IARS1: variants seen among roughly 807,000 people sequenced by gnomAD.
IARS1 encodes isoleucyl-tRNA synthetase 1.
A neutral mutation model predicts 168.2 loss-of-function variants in IARS1; 124 were observed. The observed-to-expected ratio is 0.74, with a 90% CI of 0.64 to 0.86. The LOEUF (loss-of-function observed/expected upper bound fraction) is 0.86. Among genes scored for constraint, IARS1 ranks in the 40% least tolerant of loss-of-function variants. IARS1 has a pLI of 0.00. For missense variants in IARS1, 1,452 were observed against 1,515.8 expected, an observed-to-expected ratio of 0.96 and a Z score of 0.70; for synonymous variants, 532 against 529.4, an observed-to-expected ratio of 1.00 and a Z score of -0.07.
intron 4 of IARS1, 154 bp downstream of exon 4, chr9:92,287,637 G>C: frequency 1.3e-6 from 1 of 744,714 alleles, no homozygotes; most frequent in Non-Finnish European, 2.0e-6. Flanking sequence ...TTCAGTTTAA[G>C]CTAACCGTTT....
intron 19 of IARS1, 64 bp downstream of exon 19, chr9:92,258,790 A>G (rs1490164023): frequency 6.7e-7 from 1 of 1,486,812 alleles, no homozygotes; most frequent in African/African-American, 1.4e-5. Context: ...TCCACCTCAC[A>G]GCTTGGTGAA....
At chr9:92,258,745 G>T in intron 19 of IARS1, 109 bp downstream of exon 19, 1 of 1,134,616 alleles carries the variant, frequency 8.8e-7, no homozygotes, top group Non-Finnish European at 1.2e-6. Flanking sequence ...GCATCAGGCA[G>T]CAGAGAACAG....
At chr9:92,271,191 T>C (rs1439675817) in intron 11 of IARS1, 115 bp from the exon 12 acceptor site, 6 of 622,334 alleles carry the variant, frequency 9.6e-6, no homozygotes. Context: ...CAAATATTAT[T>C]TATTATTTTT....
chr9:92,224,125 C>T (rs541428541), intron 31 of IARS1, among the ~76,000 whole-genome samples: 1 of 152,336 alleles, frequency 6.6e-6, no homozygotes, highest in South Asian at 2.1e-4. Context: ...CCCACATGGT[C>T]TCTTCTCTCA....
intron 6 of IARS1, among the ~76,000 whole-genome samples, chr9:92,284,999 T>C (rs1835212433): frequency 6.6e-6 from 1 of 152,184 alleles, no homozygotes; most frequent in African/African-American, 2.4e-5. Context: ...TGTGAAAGCA[T>C]TCTATAAATA....
At chr9:92,234,868 G>A (rs9409464) in intron 30 of IARS1, among the ~76,000 whole-genome samples, 6 of 151,034 alleles carry the variant, frequency 4.0e-5, no homozygotes, top group Non-Finnish European at 8.9e-5. Context: ...TTTTGAGATG[G>A]AGTTCGTTCT....
chr9:92,227,441 C>T lies in IARS1; in HGVS notation c.3409+1560G>A, dbSNP rs1405436760. Among the ~76,000 whole-genome samples the T allele has an allele frequency of 2.6e-3, 382 of 146,424 alleles. 4 individuals are homozygous for T. Among genetic ancestry groups the T allele is most frequent in the African/African-American group, 9.0e-3 (352 of 39,142 alleles). On this transcript the variant is annotated intron_variant, in intron 31 of 33. Transcript: ENST00000443024. ...CGGCTGGCCGGGCGGGGGGCTGACC[C>T]CCCCACCTCCCTCCCGGACGGGGCG...
rs113987313 is a variant in IARS1 at position 92,231,591 on chromosome 9, G to GT, written c.3284-2466dup. ...ACCATGCCCAGCTAATTTTGTATTT[G>GT]TTTTTTTTTTTTTTTTAGTAGAGAT... is the stretch of plus-strand genomic sequence containing the variant. On this transcript the variant is annotated intron_variant, in intron 30 of 33. Transcript: ENST00000443024. Among the ~76,000 whole-genome samples, 572 of 125,004 alleles carry GT rather than the reference G, an allele frequency of 4.6e-3. 1 individual carries two copies. Among genetic ancestry groups the GT allele is most frequent in the Middle Eastern group, 0.016 (4 of 246 alleles). The allele number at this position is 125,004 out of a possible 152,430, so 82.0% of individuals were successfully genotyped here.
At position 92,269,953 on chromosome 9, in the gene IARS1, C is replaced by T. The variant is rs1403974126; in HGVS notation, c.1236G>A (p.Val412=). ...RSDTPLIYKA[V]PSWFVRVENM... ...TCTCCACTCGCACAAACCAGCTGGG[C>T]ACTGCTTTGTAAATTAGAGGAGTGT... The change falls in exon 13 of 34, where the codon GTG becomes GTA. Residue 412 remains valine, a synonymous_variant. Coordinates refer to ENST00000443024, the MANE Select transcript of IARS1 (RefSeq NM_002161.6). The T allele has an allele frequency of 4.3e-6, 7 of 1,613,444 alleles. No individual in the cohort carries two copies. The highest frequency in any genetic ancestry group is 5.9e-6 in the Non-Finnish European group (7 of 1,179,580).
At chr9:92,242,897 TC>T in intron 28 of IARS1, 1 of 298,904 alleles carries the variant, frequency 3.3e-6, no homozygotes, top group South Asian at 3.4e-5. Flanking sequence ...TGACTGCACC[TC>T]TGCCCTTCTG....
In IARS1 at chr9:92,250,260, C is replaced by A; in HGVS notation, c.2459G>T (p.Ser820Ile). 1 of 1,610,390 alleles carries A rather than the reference C, an allele frequency of 6.2e-7. No individual in the cohort carries two copies. Among genetic ancestry groups the A allele is most frequent in the African/African-American group, 1.3e-5 (1 of 74,980 alleles). The change falls in exon 24 of 34, where the codon AGT becomes ATT. Residue 820 changes from serine to isoleucine, a missense_variant. By Grantham distance (142) the Ser-to-Ile change is moderately radical. Transcript: ENST00000443024. ...REELIDKKTE[S>I]AVSQMQSVIE... ...CACAGACTGCATCTGAGATACTGCA[C>A]TCTCTGTTTTCTTGTCAATCAATTC...
intron 7 of IARS1, among the ~76,000 whole-genome samples, chr9:92,280,518 T>G (rs1424795861): frequency 1.3e-5 from 2 of 152,214 alleles, no homozygotes; most frequent in African/African-American, 4.8e-5. Context: ...AACTGGAAAT[T>G]ATAAGAAAAT....
intron 31 of IARS1, among the ~76,000 whole-genome samples, chr9:92,226,332 A>C (rs2133438699): frequency 6.6e-6 from 1 of 152,282 alleles, no homozygotes; most frequent in Non-Finnish European, 1.5e-5. Flanking sequence ...AGTCTGCCAG[A>C]TTCTTCTAGT....
At chr9:92,283,105 C>T (rs865882009) in intron 6 of IARS1, among the ~76,000 whole-genome samples, 1 of 152,076 alleles carries the variant, frequency 6.6e-6, no homozygotes, top group African/African-American at 2.4e-5. Context: ...GTGTGAGCCA[C>T]TGTGCTTGGT....
intron 13 of IARS1, 144 bp from the exon 14 acceptor site, chr9:92,268,444 T>G: frequency 2.6e-6 from 2 of 769,522 alleles, no homozygotes; most frequent in Non-Finnish European, 2.1e-6. Context: ...GAATGTCTTC[T>G]AAATGGACAG....
rs770269194 is a variant in IARS1, at chr9:92,240,902, A to G, written c.3237T>C (p.Ala1079=). The G allele has an allele frequency of 1.2e-6, 2 of 1,613,616 alleles. No homozygotes were observed. Among genetic ancestry groups the G allele is most frequent in the East Asian group, 2.2e-5 (1 of 44,880 alleles). ...LTRGSSLPGP[A]CAYVNLNICA... ...AAATGTTAAGATTGACATATGCACA[A>G]GCAGGACCAGGAAGGGAAGATCCTC... Residue 1079 remains alanine (A), a synonymous_variant, in exon 30 of 34, where the codon GCT becomes GCC. Coordinates refer to ENST00000443024, the MANE Select transcript of IARS1 (RefSeq NM_002161.6).
intron 20 of IARS1, among the ~76,000 whole-genome samples, chr9:92,254,463 G>C (rs1830445669): frequency 6.6e-6 from 1 of 152,238 alleles, no homozygotes; most frequent in Admixed American, 6.5e-5. Flanking sequence ...TAAGAGACGA[G>C]AAGTTGCAAC....
In IARS1 at chr9:92,252,360, G is replaced by A. The variant is rs753301883; in HGVS notation, c.2230-475C>T. 1.2e-5 allele frequency: 6 copies of A among 514,530 alleles called. No individual in the cohort carries two copies. In the East Asian group the frequency reaches 2.7e-4, roughly 23 times the overall value. The allele number at this position is 514,530 out of a possible 1,614,324, so 31.9% of individuals were successfully genotyped here. A position where few individuals can be genotyped will look rare whatever the true frequency, so the allele number is the denominator to read the frequency against. On this transcript the variant is annotated intron_variant, in intron 21 of 33. Coordinates refer to ENST00000443024, the MANE Select transcript of IARS1 (RefSeq NM_002161.6). Reference sequence around the variant, plus strand: ...TACAATCATAATTAATTTATCCAGAGACAACTACTGTAAGCATCTTAGCAT... The same window carrying A: ...TACAATCATAATTAATTTATCCAGAAACAACTACTGTAAGCATCTTAGCAT...
rs1829811835 is a variant in IARS1, at chr9:92,250,207, G to A, written c.2512C>T (p.Arg838Ter). 9 of 1,608,014 alleles carry A rather than the reference G, an allele frequency of 5.6e-6. No individual in the cohort carries two copies. Among genetic ancestry groups the A allele is most frequent in the South Asian group, 1.1e-5 (1 of 90,962 alleles). The change falls in exon 24 of 34, where the codon CGA becomes TGA. Residue 838 changes from arginine (R) to a stop codon, truncating the protein, a stop_gained. Transcript: ENST00000443024. LOFTEE classifies it high-confidence loss of function. Reference sequence around the variant, plus strand: ...CAAACCTTTATGGGAATAGTTTTTCGGTCTCTGATCACTCTTCCAAGTTCA... The same window carrying A: ...CAAACCTTTATGGGAATAGTTTTTCAGTCTCTGATCACTCTTCCAAGTTCA... ...VIELGRVIRD[R>*]KTIPIKYPLK...
Sources: gnomAD v4.1 joint callset for allele counts (sites outside exome capture counted in the v4.1 genomes callset) on GRCh38, gnomAD v4.1.1 for gene constraint, MANE v1.5 for transcripts, NCBI Gene and HGNC (gene_info 2026-07-23, HGNC 2026-07-21) for gene names.